CALN1: variants seen among roughly 807,000 people sequenced by gnomAD.
CALN1 encodes the protein calneuron 1.
A neutral mutation model predicts 30.6 loss-of-function variants in CALN1; 17 were observed. The observed-to-expected ratio is 0.56, with a 90% CI of 0.38 to 0.83. The LOEUF (loss-of-function observed/expected upper bound fraction) is 0.83. Ranked by LOEUF, CALN1 falls within the 40% of genes least tolerant of loss-of-function variation. The pLI is 0.00. For synonymous variants in CALN1, 156 were observed against 131.4 expected (o/e 1.19, Z -1.28); for missense variants, 291 against 354.9 (o/e 0.82, Z 1.45).
At chr7:72,049,043 A>G (rs1439572465) in intron 4 of CALN1, among the ~76,000 whole-genome samples, 2 of 152,110 alleles carry the variant, frequency 1.3e-5, no homozygotes, top group African/African-American at 4.8e-5. Context: ...TTCCAGGTTC[A>G]AGCAATCCTC....
chr7:72,150,518 T>A (rs1165035301), intron 3 of CALN1, among the ~76,000 whole-genome samples: 3 of 152,110 alleles, frequency 2.0e-5, no homozygotes, highest in Non-Finnish European at 4.4e-5. Context: ...TCCCTTGAGA[T>A]AAACATCAGG....
intron 5 of CALN1, among the ~76,000 whole-genome samples, chr7:71,849,436 A>ATTTTTTTTTTTTGTTTT (rs1790511339): frequency 7.1e-6 from 1 of 140,258 alleles, no homozygotes. Flanking sequence ...GGATCTTCCT[A>ATTTTTTTTTTTTGTTTT]TTTTTTTTTT....
intron 1 of CALN1, among the ~76,000 whole-genome samples, chr7:72,420,516 TTTCA>T (rs1807569906): frequency 6.6e-6 from 1 of 151,486 alleles, no homozygotes; most frequent in Non-Finnish European, 1.5e-5. Flanking sequence ...TGGGCACCTG[TTTCA>T]GGTCATGAGA....
rs535368258 is a variant in CALN1 at position 72,393,676 on chromosome 7, G to A, written c.119+9575C>T. On this transcript the variant is annotated intron_variant, in intron 2 of 6. Coordinates refer to ENST00000395275, the MANE Select transcript of CALN1 (RefSeq NM_031468.4). The stretch of plus-strand genomic sequence containing the variant: ...AAGAATAGGTATACAGAATTCTGAT[G>A]CTCCAAAGCCCTTTTGAAGGAATCA... Among the ~76,000 whole-genome samples, 5 of 151,496 alleles carry A rather than the reference G, an allele frequency of 3.3e-5. No homozygotes were observed. In the South Asian group the frequency reaches 1.0e-3, roughly 32 times the overall value.
chr7:72,112,136 C>T (rs1392514981), intron 3 of CALN1, among the ~76,000 whole-genome samples: 1 of 152,152 alleles, frequency 6.6e-6, no homozygotes, highest in Non-Finnish European at 1.5e-5. Flanking sequence ...CCTAATGACA[C>T]AGCCAATTCC....
chr7:72,326,122 C>T (rs182052136), intron 2 of CALN1, among the ~76,000 whole-genome samples: 454 of 152,280 alleles, frequency 3.0e-3, no homozygotes, highest in Non-Finnish European at 4.8e-3. Context: ...AGGCTGGTCT[C>T]GAACTCCTGG....
chr7:72,104,784 C>T (rs1180547907), intron 4 of CALN1, among the ~76,000 whole-genome samples: 1 of 152,076 alleles, frequency 6.6e-6, no homozygotes. Flanking sequence ...TGGCGAAACT[C>T]CGTCTCTACT....
intron 3 of CALN1, among the ~76,000 whole-genome samples, chr7:72,221,751 A>C (rs1486857376): frequency 4.0e-5 from 6 of 151,628 alleles, no homozygotes; most frequent in Admixed American, 3.3e-4. Flanking sequence ...TTAGCTGGGC[A>C]TGGTGGCATG....
At chr7:72,098,764 GCACACACACACACACACACACA>G (rs1181933030) in intron 4 of CALN1, among the ~76,000 whole-genome samples, 5 of 142,730 alleles carry the variant, frequency 3.5e-5, no homozygotes, top group African/African-American at 1.3e-4. Flanking sequence ...CATTTGGCGC[GCACACACACACACACACACACA>G]CACACACACA....
chr7:72,008,289 A>T (rs118034913), intron 5 of CALN1, among the ~76,000 whole-genome samples: 7 of 152,160 alleles, frequency 4.6e-5, no homozygotes, highest in African/African-American at 1.7e-4. Flanking sequence ...ATTCTCCCAA[A>T]TAACTATTGA....
intron 1 of CALN1, among the ~76,000 whole-genome samples, chr7:72,435,757 G>T (rs1808136730): frequency 6.6e-6 from 1 of 152,196 alleles, no homozygotes; most frequent in African/African-American, 2.4e-5. Flanking sequence ...GTTAATAACT[G>T]TGCACATTTT....
At chr7:72,191,967 C>T (rs1562713835) in intron 3 of CALN1, among the ~76,000 whole-genome samples, 1 of 152,092 alleles carries the variant, frequency 6.6e-6, no homozygotes. Context: ...CAAAAAACTT[C>T]GATGGCGATT....
At chr7:71,971,300 A>C (rs146876082) in intron 5 of CALN1, among the ~76,000 whole-genome samples, 4,919 of 151,920 alleles carry the variant, frequency 0.032, 434 homozygotes, top group East Asian at 0.22. Context: ...AATACAAAAA[A>C]TTAGCTGGGC....
chr7:72,060,939 A>G (rs1803604120), intron 4 of CALN1, among the ~76,000 whole-genome samples: 2 of 152,208 alleles, frequency 1.3e-5, no homozygotes, highest in South Asian at 4.1e-4. Flanking sequence ...AGTTTCAGGT[A>G]TTTCTCCATA....
chr7:72,226,006 G>A (rs900422397), intron 3 of CALN1, among the ~76,000 whole-genome samples: 21 of 149,992 alleles, frequency 1.4e-4, no homozygotes, highest in African/African-American at 4.9e-4. Flanking sequence ...TGAGGCAGGA[G>A]AATCACTTGA....
At chr7:71,855,642 T>C (rs1790903578) in intron 5 of CALN1, among the ~76,000 whole-genome samples, 1 of 152,126 alleles carries the variant, frequency 6.6e-6, no homozygotes, top group Non-Finnish European at 1.5e-5. Flanking sequence ...TTGTGGTCCC[T>C]CGTGGGCACT....
chr7:71,809,666 C>A (rs983289807), intron 6 of CALN1, among the ~76,000 whole-genome samples: 2 of 151,934 alleles, frequency 1.3e-5, no homozygotes, highest in African/African-American at 4.8e-5. Context: ...CTCAGGAATT[C>A]TCTACTGATT....
intron 2 of CALN1, among the ~76,000 whole-genome samples, chr7:72,345,918 C>A (rs901211136): frequency 6.6e-6 from 1 of 151,970 alleles, no homozygotes; most frequent in Non-Finnish European, 1.5e-5. Flanking sequence ...AAGCAAAAAT[C>A]AACAGGCATG....
At chr7:72,194,875 C>CCTCTT (rs1438638824) in intron 3 of CALN1, among the ~76,000 whole-genome samples, 1 of 152,002 alleles carries the variant, frequency 6.6e-6, no homozygotes, top group East Asian at 1.9e-4. Flanking sequence ...CAGGTGTGAG[C>CCTCTT]CTCTTGCCTT....
Sources: allele counts gnomAD v4.1 joint callset (sites outside exome capture counted in the v4.1 genomes callset), GRCh38; gene constraint gnomAD v4.1.1; transcripts MANE v1.5; gene names NCBI Gene and HGNC (gene_info 2026-07-23, HGNC 2026-07-21).